VPS13B: variants seen among roughly 807,000 people sequenced by gnomAD.
VPS13B encodes the protein intermembrane lipid transfer protein VPS13B.
In VPS13B, 285 loss-of-function variants were observed where a neutral mutation model predicts 426.4. The observed-to-expected ratio is 0.67, with a 90% CI of 0.61 to 0.74. VPS13B has a LOEUF of 0.74. Among genes scored for constraint, VPS13B ranks in the 30% least tolerant of loss-of-function variants. VPS13B has a pLI of 0.00. For missense variants in VPS13B, 4,537 were observed against 4,782.6 expected, an observed-to-expected ratio of 0.95 and a Z score of 1.51; for synonymous variants, 1,676 against 1,676.4, an observed-to-expected ratio of 1.00 and a Z score of 0.01.
chr8:99,289,024 C>G (rs938638629), intron 19 of VPS13B, among the ~76,000 whole-genome samples: 1 of 117,010 alleles, frequency 8.5e-6, no homozygotes, highest in Non-Finnish European at 1.9e-5. Flanking sequence ...TAGTGAGACC[C>G]CTGCCTCTAT....
chr8:99,593,915 G>T (rs1826831953), intron 33 of VPS13B, among the ~76,000 whole-genome samples: 1 of 152,008 alleles, frequency 6.6e-6, no homozygotes, highest in Non-Finnish European at 1.5e-5. Context: ...GGGTGGAGGG[G>T]TGAGGGAGGG....
At chr8:99,415,920 C>T (rs3103716) in intron 21 of VPS13B, among the ~76,000 whole-genome samples, 43,250 of 152,090 alleles carry the variant, frequency 0.28, 7,194 homozygotes, top group East Asian at 0.44. Flanking sequence ...AGGCAGTCTG[C>T]CCCTTAGCAG....
intron 23 of VPS13B, among the ~76,000 whole-genome samples, chr8:99,462,802 G>A (rs901728277): frequency 1.2e-4 from 18 of 152,146 alleles, no homozygotes; most frequent in Admixed American, 5.9e-4. Flanking sequence ...AAGATGAAGA[G>A]GAAGAAATAC....
At chr8:99,024,231 C>A (rs1315454791) in intron 2 of VPS13B, among the ~76,000 whole-genome samples, 1 of 152,166 alleles carries the variant, frequency 6.6e-6, no homozygotes, top group Admixed American at 6.5e-5. Context: ...AGAGCAATTG[C>A]CTATTTTAAA....
In VPS13B at chr8:99,699,821, C is replaced by CA. The variant is rs1832193516; in HGVS notation, c.6344dup (p.Ile2116AspfsTer28). ...TCAAAAAATTTCTGTTCAAACTACT[C>CA]AGATTGTGATCTCCATGGAAACTGT... On this transcript the variant is annotated frameshift_variant, in exon 36 of 62. Transcript: ENST00000357162. LOFTEE classifies it high-confidence loss of function. 6.2e-7 allele frequency: 1 copy of CA among 1,613,738 alleles called. No individual in the cohort carries two copies. The highest frequency in any genetic ancestry group is 8.5e-7 in the Non-Finnish European group (1 of 1,179,924).
rs541141469 is a variant in VPS13B, at chr8:99,401,712, A to G, written c.3082+10008A>G. On this transcript the variant is annotated intron_variant, in intron 21 of 61. Coordinates refer to ENST00000357162, the MANE Select transcript of VPS13B (RefSeq NM_152564.5). ...GAAACCCTGTCTCTACTAAAAGCACAAAAATTAACTGGGTGTGGTGACGCG... is the reference window on the plus strand; with the variant it reads ...GAAACCCTGTCTCTACTAAAAGCACGAAAATTAACTGGGTGTGGTGACGCG... Among the ~76,000 whole-genome samples, 8 of 152,242 alleles carry G rather than the reference A, an allele frequency of 5.3e-5. No individual in the cohort carries two copies. The East Asian group carries it at 7.8e-4, about 15-fold the overall frequency.
chr8:99,461,569 C>T (rs760516770), intron 23 of VPS13B, among the ~76,000 whole-genome samples: 1 of 151,960 alleles, frequency 6.6e-6, no homozygotes, highest in African/African-American at 2.4e-5. Context: ...TTAAGGTTAT[C>T]TAATTGTTTT....
intron 22 of VPS13B, among the ~76,000 whole-genome samples, chr8:99,436,031 C>T (rs898624162): frequency 7.9e-5 from 12 of 152,026 alleles, no homozygotes; most frequent in African/African-American, 2.9e-4. Flanking sequence ...CAAGGGAATA[C>T]CGTTTTAAAA....
chr8:99,588,532 G>A (rs541688273), intron 33 of VPS13B, among the ~76,000 whole-genome samples: 267 of 151,506 alleles, frequency 1.8e-3, no homozygotes, highest in Middle Eastern at 0.01. Flanking sequence ...AGGTCCTTCA[G>A]ATCCTTTGTA....
chr8:99,656,774 A>G (rs1202883705), intron 34 of VPS13B, among the ~76,000 whole-genome samples: 1 of 152,162 alleles, frequency 6.6e-6, no homozygotes, highest in African/African-American at 2.4e-5. Context: ...GACTCATGTT[A>G]TATTTTCTAT....
intron 17 of VPS13B, among the ~76,000 whole-genome samples, chr8:99,212,704 C>G (rs987402508): frequency 3.9e-5 from 6 of 152,118 alleles, no homozygotes; most frequent in African/African-American, 1.4e-4. Flanking sequence ...TTATTTCCAT[C>G]ATGAAGAATC....
intron 35 of VPS13B, among the ~76,000 whole-genome samples, chr8:99,674,594 G>A (rs1830849032): frequency 6.6e-6 from 1 of 151,980 alleles, no homozygotes; most frequent in Non-Finnish European, 1.5e-5. Flanking sequence ...TGAAAGGTAA[G>A]GACTAAGTAC....
intron 23 of VPS13B, among the ~76,000 whole-genome samples, chr8:99,456,369 A>G (rs1818461101): frequency 1.3e-5 from 2 of 152,006 alleles, no homozygotes; most frequent in African/African-American, 4.8e-5. Context: ...GCGTTTCACC[A>G]TCTTGGCCAG....
chr8:99,472,454 A>G (rs1384210587), intron 24 of VPS13B, among the ~76,000 whole-genome samples: 5 of 152,106 alleles, frequency 3.3e-5, no homozygotes, highest in Non-Finnish European at 2.9e-5. Context: ...ATGCTTCTAA[A>G]TAATTTATGG....
intron 29 of VPS13B, among the ~76,000 whole-genome samples, chr8:99,520,605 A>G (rs1393701579): frequency 6.6e-6 from 1 of 152,006 alleles, no homozygotes; most frequent in East Asian, 1.9e-4. Flanking sequence ...TGGCTTCAAT[A>G]TTACTTATAT....
intron 21 of VPS13B, among the ~76,000 whole-genome samples, chr8:99,414,039 C>T (rs916625061): frequency 6.6e-6 from 1 of 152,034 alleles, no homozygotes; most frequent in African/African-American, 2.4e-5. Flanking sequence ...TTAAAGTGTC[C>T]CACTATTATT....
At chr8:99,168,350 C>T (rs1323374586) in intron 15 of VPS13B, among the ~76,000 whole-genome samples, 1 of 152,062 alleles carries the variant, frequency 6.6e-6, no homozygotes, top group African/African-American at 2.4e-5. Context: ...CACCCAATTT[C>T]CTTCTGAGTA....
At chr8:99,281,188 C>A (rs1459561921) in intron 19 of VPS13B, among the ~76,000 whole-genome samples, 1 of 152,210 alleles carries the variant, frequency 6.6e-6, no homozygotes, top group Non-Finnish European at 1.5e-5. Context: ...CTATGAGCAT[C>A]TAATGCTGCT....
chr8:99,323,838 T>C (rs1810108436), intron 19 of VPS13B, among the ~76,000 whole-genome samples: 1 of 152,250 alleles, frequency 6.6e-6, no homozygotes, highest in Non-Finnish European at 1.5e-5. Context: ...ACTTGCAACC[T>C]GCTTTATAGA....
Sources: gnomAD v4.1 joint callset for allele counts (sites outside exome capture counted in the v4.1 genomes callset) on GRCh38, gnomAD v4.1.1 for gene constraint, MANE v1.5 for transcripts, NCBI Gene and HGNC (gene_info 2026-07-23, HGNC 2026-07-21) for gene names.